Variants in SOX6 observed in about 807,000 individuals in gnomAD.
SOX6 encodes SRY-box transcription factor 6, also known as transcription factor SOX-6.
A neutral mutation model predicts 97.8 loss-of-function variants in SOX6; 11 were observed. The ratio of observed to expected loss-of-function variants is 0.11; its 90% CI spans 0.07 to 0.19. The LOEUF is 0.19. Ranked by LOEUF, SOX6 falls within the 10% of genes least tolerant of loss-of-function variation. SOX6 has a pLI of 1.00. For missense variants in SOX6, 810 were observed against 1,039.5 expected (o/e 0.78, Z 3.04); for synonymous variants, 360 against 371.4 (o/e 0.97, Z 0.35).
chr11:16,226,062 TG>T (rs1207421602), intron 4 of SOX6, among the ~76,000 whole-genome samples: 1 of 152,162 alleles, frequency 6.6e-6, no homozygotes, highest in East Asian at 1.9e-4. Flanking sequence ...GTTGAGTAAC[TG>T]TAATAAGTAA....
At chr11:16,725,703 C>A (rs1487908442) in intron 2 of SOX6, among the ~76,000 whole-genome samples, 1 of 151,902 alleles carries the variant, frequency 6.6e-6, no homozygotes, top group African/African-American at 2.4e-5. Flanking sequence ...TTTTCTCTCT[C>A]TATTTTTCCT....
intron 4 of SOX6, among the ~76,000 whole-genome samples, chr11:16,483,508 C>A (rs1004417997): frequency 6.6e-6 from 1 of 152,150 alleles, no homozygotes; most frequent in African/African-American, 2.4e-5. Flanking sequence ...TCAGGTTGTA[C>A]TTTCCCCAGC....
chr11:16,577,338 A>T (rs1301526897), intron 4 of SOX6, among the ~76,000 whole-genome samples: 1 of 152,198 alleles, frequency 6.6e-6, no homozygotes, highest in Non-Finnish European at 1.5e-5. Flanking sequence ...GCTTTTCACC[A>T]TATTAAAATA....
chr11:15,992,922 T>A (rs12575614), intron 13 of SOX6, among the ~76,000 whole-genome samples: 14,085 of 152,158 alleles, frequency 0.093, 1,347 homozygotes, highest in East Asian at 0.36. Context: ...TGACAACTTA[T>A]CTATTACCTG....
At chr11:16,347,131 T>C (rs959967581) in intron 1 of SOX6, among the ~76,000 whole-genome samples, 3 of 152,136 alleles carry the variant, frequency 2.0e-5, no homozygotes, top group Non-Finnish European at 2.9e-5. Context: ...CTCTGTCTAA[T>C]TGGTTAGTAT....
intron 13 of SOX6, among the ~76,000 whole-genome samples, chr11:16,012,952 G>A (rs1854777011): frequency 6.6e-6 from 1 of 151,998 alleles, no homozygotes; most frequent in African/African-American, 2.4e-5. Context: ...TCTAGGCATT[G>A]AATAGAATAT....
intron 3 of SOX6, among the ~76,000 whole-genome samples, chr11:16,628,730 C>T (rs1848662103): frequency 6.6e-6 from 1 of 151,962 alleles, no homozygotes; most frequent in Non-Finnish European, 1.5e-5. Context: ...GCCATTTTAA[C>T]GATATTGATT....
rs529381759 is a variant in SOX6 at position 16,281,924 on chromosome 11, T to C, written c.445+36522A>G. Among the ~76,000 whole-genome samples, 3 of 150,380 alleles carry C rather than the reference T, an allele frequency of 2.0e-5. No homozygotes were observed. In the South Asian group the frequency reaches 6.3e-4, roughly 31 times the overall value. On this transcript the variant is annotated intron_variant, in intron 3 of 15. Transcript: ENST00000683767. Reference sequence around the variant, plus strand: ...GTTAACATAAAAGCAAGTTACATAATATTAGACAAGTTATATACACAAGTT... The same window carrying C: ...GTTAACATAAAAGCAAGTTACATAACATTAGACAAGTTATATACACAAGTT...
chr11:16,022,782 T>G (rs535036210), intron 12 of SOX6, among the ~76,000 whole-genome samples: 2 of 152,268 alleles, frequency 1.3e-5, no homozygotes, highest in Admixed American at 6.5e-5. Context: ...TTAGTAACCA[T>G]GTAGGAGCTG....
chr11:16,231,572 T>C (rs184760569), intron 4 of SOX6, among the ~76,000 whole-genome samples: 1 of 151,894 alleles, frequency 6.6e-6, no homozygotes, highest in African/African-American at 2.4e-5. Flanking sequence ...TAACTGGCAA[T>C]ATGAATCAAA....
rs911312742 is a variant in SOX6 at position 16,211,308 on chromosome 11, T to C, written c.535+23274A>G. On this transcript the variant is annotated intron_variant, in intron 4 of 15. Transcript: ENST00000683767. ...CTTTTTAAAAGGTTAGTCTGGCTTC[T>C]GTGTGGAAAACAGACTGTGTGGAGA... 3.9e-5 allele frequency among the ~76,000 whole-genome samples: 6 copies of C among 152,078 alleles called. No homozygotes were observed. In the South Asian group the frequency reaches 1.2e-3, roughly 32 times the overall value.
At chr11:16,082,413 T>C (rs1327306786) in intron 9 of SOX6, among the ~76,000 whole-genome samples, 2 of 152,212 alleles carry the variant, frequency 1.3e-5, no homozygotes, top group Admixed American at 6.5e-5. Flanking sequence ...CTTTTCTTTA[T>C]AGATTTCTTA....
intron 7 of SOX6, among the ~76,000 whole-genome samples, chr11:16,104,002 A>T (rs1260753471): frequency 6.6e-6 from 1 of 151,926 alleles, no homozygotes; most frequent in Non-Finnish European, 1.5e-5. Context: ...AATAAAAATT[A>T]AAAATTAAAA....
intron 1 of SOX6, among the ~76,000 whole-genome samples, chr11:16,377,426 T>C (rs909177830): frequency 6.6e-6 from 1 of 152,098 alleles, no homozygotes; most frequent in Admixed American, 6.6e-5. Flanking sequence ...AGTGAGGTTG[T>C]TCATGCTAGG....
At chr11:16,183,788 G>A (rs1851401973) in intron 6 of SOX6, 98 bp downstream of exon 6, 1 of 1,082,998 alleles carries the variant, frequency 9.2e-7, no homozygotes, top group South Asian at 1.3e-5. Flanking sequence ...TATTGGTGCT[G>A]TTTATAAGAC....
rs569209801 is a variant in SOX6, at chr11:16,737,859, A to T, written n.219+566T>A. On this transcript the variant is annotated intron_variant and non_coding_transcript_variant, in intron 1 of 5. Coordinates refer to the SOX6 transcript ENST00000524520. The stretch of plus-strand genomic sequence containing the variant: ...GACAGTGGATTGTACACTTTTTAAA[A>T]AATGGTTAATTTTATATGTGAATTT... Among the ~76,000 whole-genome samples, 128 of 152,278 alleles carry T rather than the reference A, an allele frequency of 8.4e-4. 3 individuals are homozygous for T. The highest frequency in any genetic ancestry group is 2.7e-3 in the African/African-American group (112 of 41,558).
At chr11:16,241,974 T>G (rs2134186492) in intron 3 of SOX6, among the ~76,000 whole-genome samples, 1 of 152,198 alleles carries the variant, frequency 6.6e-6, no homozygotes, top group Non-Finnish European at 1.5e-5. Context: ...ACATTCCTAT[T>G]AATTTGAGTT....
rs1242443290 is a variant in SOX6 at position 15,968,468 on chromosome 11, G to A, written c.*4341C>T. 1 of 152,184 alleles carries A rather than the reference G, an allele frequency of 6.6e-6. No individual in the cohort carries two copies. Among genetic ancestry groups the A allele is most frequent in the Non-Finnish European group, 1.5e-5 (1 of 68,036 alleles). The allele number at this position is 152,184 out of a possible 1,614,324, so 9.4% of individuals were successfully genotyped here. On this transcript the variant is annotated 3_prime_UTR_variant, in exon 16 of 16. Coordinates refer to ENST00000683767, the MANE Select transcript of SOX6 (RefSeq NM_001367873.1). ...TAGAGGTCAATTCTTTGCAAAATGA[G>A]TAAATTGAGAGAAGCAGCCTCAGCT...
chr11:16,135,884 T>G (rs1262287965), intron 6 of SOX6, among the ~76,000 whole-genome samples: 1 of 152,196 alleles, frequency 6.6e-6, no homozygotes, highest in African/African-American at 2.4e-5. Flanking sequence ...AGTCAATTGA[T>G]GCAGCACTTT....
Sources: gnomAD v4.1 joint callset for allele counts (sites outside exome capture counted in the v4.1 genomes callset) on GRCh38, gnomAD v4.1.1 for gene constraint, MANE v1.5 for transcripts, NCBI Gene and HGNC (gene_info 2026-07-23, HGNC 2026-07-21) for gene names.